The following SFI1 variants were observed in gnomAD, a reference collection of about 807,000 sequenced individuals.
SFI1 encodes SFI1 centrin binding protein.
Under a neutral mutation model 207.5 loss-of-function variants are expected in SFI1, and 195 were observed. The ratio of observed to expected loss-of-function variants is 0.94; its 90% CI spans 0.84 to 1.06. The LOEUF (loss-of-function observed/expected upper bound fraction) is 1.06, where lower values mean the gene tolerates loss of function less well. Ranked by LOEUF, SFI1 falls within the 50% of genes least tolerant of loss-of-function variation. The pLI, the probability that SFI1 is intolerant of heterozygous loss-of-function variation, is 0.00. For synonymous variants in SFI1, 630 were observed against 598.9 expected, an observed-to-expected ratio of 1.05 and a Z score of -0.76; for missense variants, 1,634 against 1,588.0, an observed-to-expected ratio of 1.03 and a Z score of -0.49.
intron 8 of SFI1, among the ~76,000 whole-genome samples, chr22:31,571,089 A>G (rs1362671185): frequency 6.6e-6 from 1 of 152,246 alleles, no homozygotes; most frequent in Non-Finnish European, 1.5e-5. Context: ...AGCTTGAAAC[A>G]GAAAGAACCA....
At chr22:31,516,174 A>G (rs2056465666) in intron 2 of SFI1, among the ~76,000 whole-genome samples, 1 of 152,046 alleles carries the variant, frequency 6.6e-6, no homozygotes, top group Non-Finnish European at 1.5e-5. Flanking sequence ...TGTGTGATAA[A>G]TATCTTCTCC....
At position 31,582,201 on chromosome 22, in the gene SFI1, A is replaced by AC. The variant is rs1569375877; in HGVS notation, c.1249-1673dup. Among the ~76,000 whole-genome samples, 11 of 13,040 alleles carry AC rather than the reference A, an allele frequency of 8.4e-4. 1 individual carries two copies. The highest frequency in any genetic ancestry group is 1.7e-3 in the Non-Finnish European group (11 of 6,356). The allele number at this position is 13,040 out of a possible 152,430, so 8.6% of individuals were successfully genotyped here. On this transcript the variant is annotated intron_variant, in intron 12 of 32. Transcript: ENST00000400288. ...CTTCCCCCAACAACACTTCTTTATT[A>AC]CATTTTATATATATATATATATATA...
chr22:31,589,546 G>C lies in SFI1; in HGVS notation c.1513G>C (p.Val505Leu). 6.2e-7 allele frequency: 1 copy of C among 1,614,058 alleles called. No homozygotes were observed. The highest frequency in any genetic ancestry group is 1.1e-5 in the South Asian group (1 of 91,056). The change falls in exon 15 of 33, where the codon GTC (valine) becomes CTC (leucine). Residue 505 changes from valine (V) to leucine (L), a missense_variant. Physicochemically the swap from Val to Leu is conservative, Grantham distance 32. Coordinates refer to ENST00000400288, the MANE Select transcript of SFI1 (RefSeq NM_001007467.3). ...RLWRWRHQEN[V>L]LSARATRFHR... ...CTGGCGATGGCGCCACCAGGAAAATGTCCTCAGTGCAAGAGCAACACGTTT... is the reference window on the plus strand; with the variant it reads ...CTGGCGATGGCGCCACCAGGAAAATCTCCTCAGTGCAAGAGCAACACGTTT...
At chr22:31,563,739 C>G (rs1177037842) in intron 8 of SFI1, among the ~76,000 whole-genome samples, 1 of 151,988 alleles carries the variant, frequency 6.6e-6, no homozygotes, top group Non-Finnish European at 1.5e-5. Flanking sequence ...GCACGCGCCA[C>G]CATGCCTGTC....
At chr22:31,500,667 G>A (rs1452787075) in intron 1 of SFI1, among the ~76,000 whole-genome samples, 1 of 152,162 alleles carries the variant, frequency 6.6e-6, no homozygotes, top group Non-Finnish European at 1.5e-5. Flanking sequence ...ATGTTGGCCA[G>A]GCTGGTCTCA....
chr22:31,559,509 C>G (rs2061472666), intron 7 of SFI1: 1 of 533,328 alleles, frequency 1.9e-6, no homozygotes, highest in Non-Finnish European at 3.5e-6. Context: ...CTGAAAAGTT[C>G]CAGCGTATTT....
chr22:31,613,491 G>A lies in SFI1; in HGVS notation c.2703G>A (p.Lys901=). The change falls in exon 26 of 33, where the codon AAG becomes AAA. Residue 901 remains lysine, a synonymous_variant. Coordinates refer to ENST00000400288, the MANE Select transcript of SFI1 (RefSeq NM_001007467.3). The part of the protein sequence containing the change: ...TRLLRFAASM[K]ASRQQLQAQQ... ...TCCTGCGCTTTGCAGCCAGCATGAAGGCCTCCCGGCAGCAGCTGCAGGCCC... is the reference window on the plus strand; with the variant it reads ...TCCTGCGCTTTGCAGCCAGCATGAAAGCCTCCCGGCAGCAGCTGCAGGCCC... 1.3e-6 allele frequency: 2 copies of A among 1,596,666 alleles called. No individual in the cohort carries two copies. The highest frequency in any genetic ancestry group is 1.7e-6 in the Non-Finnish European group (2 of 1,175,730).
chr22:31,559,836 C>A, intron 7 of SFI1: 2 of 691,928 alleles, frequency 2.9e-6, no homozygotes, highest in Non-Finnish European at 5.4e-6. Context: ...AAGATTCAGG[C>A]CCATAGAGGA....
At position 31,544,839 on chromosome 22, in the gene SFI1, TTAAG is replaced by T. The variant is rs373906759; in HGVS notation, c.339-2019_339-2016del. ...AAAAATTTTTAACCTCATTTCTAGT[TTAAG>T]TAGCTCTGAGATTCTGACCTGAAAA... On this transcript the variant is annotated intron_variant, in intron 4 of 32. Coordinates refer to ENST00000400288, the MANE Select transcript of SFI1 (RefSeq NM_001007467.3). 4.0e-3 allele frequency among the ~76,000 whole-genome samples: 602 copies of T among 152,314 alleles called. 2 individuals are homozygous for T. Among genetic ancestry groups the T allele is most frequent in the African/African-American group, 0.013 (555 of 41,572 alleles).
chr22:31,597,555 T>C, intron 15 of SFI1, among the ~76,000 whole-genome samples: 1 of 152,152 alleles, frequency 6.6e-6, no homozygotes, highest in Non-Finnish European at 1.5e-5. Context: ...GAATGTAAAA[T>C]TGAGATGATG....
rs751607172 is a variant in SFI1 at position 31,604,334 on chromosome 22, G to T, written c.1907G>T (p.Arg636Leu). 1 of 1,579,912 alleles carries T rather than the reference G, an allele frequency of 6.3e-7. No homozygotes were observed. The highest frequency in any genetic ancestry group is 1.8e-5 in the Admixed American group (1 of 55,478). The change falls in exon 19 of 33, where the codon CGG becomes CTG. Residue 636 changes from arginine to leucine, a missense_variant. Transcript: ENST00000400288. Reference protein sequence around the residue: ...RECLALRGAERQKLMRADLHH... With the variant: ...RECLALRGAELQKLMRADLHH... ...TGCCTGGCCCTGCGGGGAGCGGAGC[G>T]GCAGAAGCTGATGCGAGCAGACCTG...
intron 15 of SFI1, among the ~76,000 whole-genome samples, chr22:31,601,816 G>A (rs140845572): frequency 0.011 from 1,637 of 151,104 alleles, 8 homozygotes; most frequent in Middle Eastern, 0.031. Flanking sequence ...TTTCAGAGAC[G>A]GGGTCTCACT....
intron 8 of SFI1, among the ~76,000 whole-genome samples, chr22:31,561,688 T>A (rs914117476): frequency 3.3e-5 from 5 of 152,220 alleles, no homozygotes; most frequent in African/African-American, 4.8e-5. Context: ...ATACTCTGAT[T>A]TCCTCGTTGC....
intron 7 of SFI1, among the ~76,000 whole-genome samples, chr22:31,557,936 T>C (rs1305602903): frequency 6.6e-6 from 1 of 152,200 alleles, no homozygotes; most frequent in Non-Finnish European, 1.5e-5. Flanking sequence ...ATGTTGTCTG[T>C]AGTTGTCCAC....
Position 31,543,084 on chromosome 22 carries a change from C to T in SFI1, c.339-3777C>T, listed in dbSNP as rs546507999. Reference sequence around the variant, plus strand: ...CTCCCAGGTTCACGCCATTCTCCTGCCTCAGCCTCCTGAGTAGTTGGGACT... The same window carrying T: ...CTCCCAGGTTCACGCCATTCTCCTGTCTCAGCCTCCTGAGTAGTTGGGACT... On this transcript the variant is annotated intron_variant, in intron 4 of 32. Coordinates refer to ENST00000400288, the MANE Select transcript of SFI1 (RefSeq NM_001007467.3). 1.4e-4 allele frequency among the ~76,000 whole-genome samples: 22 copies of T among 151,794 alleles called. 1 individual carries two copies. In the South Asian group the frequency reaches 3.5e-3, roughly 24 times the overall value.
intron 15 of SFI1, among the ~76,000 whole-genome samples, chr22:31,593,077 G>A (rs1255919988): frequency 4.3e-5 from 6 of 139,428 alleles, no homozygotes; most frequent in Admixed American, 1.4e-4. Flanking sequence ...CTGGCCGGGC[G>A]GGGGGGCTGA....
At chr22:31,595,592 G>T (rs1041744012) in intron 15 of SFI1, among the ~76,000 whole-genome samples, 11 of 152,180 alleles carry the variant, frequency 7.2e-5, no homozygotes, top group African/African-American at 1.2e-4. Flanking sequence ...AAATTTTTGT[G>T]AGGAGATAAG....
rs745588190 is a variant in SFI1, at chr22:31,613,496, C to T, written c.2708C>T (p.Ser903Phe). ...CGCTTTGCAGCCAGCATGAAGGCCT[C>T]CCGGCAGCAGCTGCAGGCCCAGCAG... is the stretch of plus-strand genomic sequence containing the variant. ...LLRFAASMKA[S>F]RQQLQAQQQV... Residue 903 changes from serine (S) to phenylalanine (F), a missense_variant, in exon 26 of 33, where the codon TCC (serine) becomes TTC (phenylalanine). Ser to Phe is a radical substitution (Grantham distance 155). Coordinates refer to ENST00000400288, the MANE Select transcript of SFI1 (RefSeq NM_001007467.3). The T allele has an allele frequency of 1.3e-6, 2 of 1,594,088 alleles. No homozygotes were observed. The highest frequency in any genetic ancestry group is 1.7e-4 in the Middle Eastern group (1 of 5,896).
chr22:31,557,555 A>G (rs1213481054), intron 7 of SFI1, among the ~76,000 whole-genome samples: 1 of 152,096 alleles, frequency 6.6e-6, no homozygotes, highest in Non-Finnish European at 1.5e-5. Flanking sequence ...ACTTGTTTAT[A>G]AGATCGATTT....
Sources: gnomAD v4.1 joint callset for allele counts (sites outside exome capture counted in the v4.1 genomes callset) on GRCh38, gnomAD v4.1.1 for gene constraint, MANE v1.5 for transcripts, NCBI Gene and HGNC (gene_info 2026-07-23, HGNC 2026-07-21) for gene names.